Variants in DGKB observed in about 807,000 individuals in gnomAD.
The protein encoded by DGKB is 90 kDa diacylglycerol kinase.
Under a neutral mutation model 114.3 loss-of-function variants are expected in DGKB, and 67 were observed. That is an observed-to-expected ratio of 0.59 (90% CI 0.48 to 0.72). The LOEUF is 0.72. Among genes scored for constraint, DGKB ranks in the 30% least tolerant of loss-of-function variants. The pLI, the probability that DGKB is intolerant of heterozygous loss-of-function variation, is 0.00. For missense variants in DGKB, 907 were observed against 975.2 expected (o/e 0.93, Z 0.93); for synonymous variants, 398 against 323.1 (o/e 1.23, Z -2.49).
At chr7:14,831,897 G>C (rs1318595729) in intron 2 of DGKB, among the ~76,000 whole-genome samples, 2 of 151,784 alleles carry the variant, frequency 1.3e-5, no homozygotes, top group Non-Finnish European at 2.9e-5. Context: ...ACTATAAGCA[G>C]AAGGACATTT....
At chr7:14,661,076 T>C (rs985325647) in intron 13 of DGKB, among the ~76,000 whole-genome samples, 6 of 151,658 alleles carry the variant, frequency 4.0e-5, no homozygotes, top group South Asian at 2.1e-4. Context: ...AAGACTTAAA[T>C]GTTAGACCTA....
chr7:14,908,897 A>C (rs1783844547), intron 1 of DGKB, among the ~76,000 whole-genome samples: 1 of 152,070 alleles, frequency 6.6e-6, no homozygotes, highest in Non-Finnish European at 1.5e-5. Flanking sequence ...TAATAACAAA[A>C]CTCATTATCA....
In DGKB at chr7:14,959,765, TA is replaced by T. The variant is rs564208336; in HGVS notation, c.-188+14930del. Among the ~76,000 whole-genome samples the T allele has an allele frequency of 6.7e-3, 960 of 143,626 alleles. 1 individual carries two copies. Among genetic ancestry groups the T allele is most frequent in the Middle Eastern group, 0.011 (3 of 282 alleles). The allele number at this position is 143,626 out of a possible 152,430, so 94.2% of individuals were successfully genotyped here. On this transcript the variant is annotated intron_variant, in intron 1 of 4. Transcript: ENST00000437998. ...TAACATTAGATTTTACCACTGAGAT[TA>T]AAAAAAAAAAAGGCAGTTTTCTATA... is the stretch of plus-strand genomic sequence containing the variant.
chr7:14,688,552 AC>A (rs1200568051), intron 9 of DGKB, among the ~76,000 whole-genome samples: 1 of 152,216 alleles, frequency 6.6e-6, no homozygotes, highest in African/African-American at 2.4e-5. Context: ...TGAGAAAGAT[AC>A]CTAAAATTTC....
chr7:14,342,840 A>G (rs1466628040), intron 22 of DGKB, among the ~76,000 whole-genome samples: 1 of 151,864 alleles, frequency 6.6e-6, no homozygotes, highest in African/African-American at 2.4e-5. Context: ...GGTGCTCACT[A>G]TGTGAAAGAG....
At chr7:14,555,783 C>G (rs1584783470) in intron 20 of DGKB, among the ~76,000 whole-genome samples, 1 of 152,308 alleles carries the variant, frequency 6.6e-6, no homozygotes, top group African/African-American at 2.4e-5. Context: ...CAAGAGTGAT[C>G]TCTGGTCGTC....
Position 14,284,168 on chromosome 7 carries a change from G to GA in DGKB, c.2122+54346dup, listed in dbSNP as rs1024427191. On this transcript the variant is annotated intron_variant, in intron 23 of 25. Coordinates refer to ENST00000402815, the MANE Select transcript of DGKB (RefSeq NM_001350709.2). ...ACAATGAACTCAAACAAATTTACAA[G>GA]AAAAAAACAACCTCATCAAAAAGTG... Among the ~76,000 whole-genome samples the GA allele has an allele frequency of 6.3e-3, 962 of 151,538 alleles. 9 individuals carry two copies. Among genetic ancestry groups the GA allele is most frequent in the African/African-American group, 0.02 (813 of 41,058 alleles).
At chr7:14,188,533 G>A (rs1032444651) in intron 23 of DGKB, among the ~76,000 whole-genome samples, 4 of 144,494 alleles carry the variant, frequency 2.8e-5, no homozygotes, top group Non-Finnish European at 4.6e-5. Context: ...GGTGGCGGGC[G>A]CCTGTAGTCC....
intron 23 of DGKB, among the ~76,000 whole-genome samples, chr7:14,290,125 G>A (rs919853455): frequency 6.6e-6 from 1 of 152,144 alleles, no homozygotes; most frequent in African/African-American, 2.4e-5. Context: ...CAAACTGCAG[G>A]AACCTGACCT....
intron 17 of DGKB, among the ~76,000 whole-genome samples, chr7:14,602,274 T>C (rs1287403467): frequency 2.6e-5 from 4 of 152,216 alleles, no homozygotes; most frequent in Non-Finnish European, 5.9e-5. Flanking sequence ...GATATTTAGA[T>C]GAGACTCTGG....
chr7:14,415,005 T>G (rs1290132099), intron 21 of DGKB, among the ~76,000 whole-genome samples: 1 of 133,684 alleles, frequency 7.5e-6, no homozygotes, highest in African/African-American at 2.6e-5. Context: ...AAACAAAAAA[T>G]AAAAAAAAAC....
intron 2 of DGKB, among the ~76,000 whole-genome samples, chr7:14,800,820 T>A (rs1842055457): frequency 6.6e-6 from 1 of 151,946 alleles, no homozygotes; most frequent in Non-Finnish European, 1.5e-5. Context: ...GGCCCGTCAA[T>A]GGAAAACTAC....
chr7:14,720,813 C>A, intron 5 of DGKB, among the ~76,000 whole-genome samples: 1 of 145,322 alleles, frequency 6.9e-6, no homozygotes, highest in African/African-American at 2.6e-5. Flanking sequence ...ATTTATGAAC[C>A]AAAGAAGGCA....
intron 2 of DGKB, among the ~76,000 whole-genome samples, chr7:14,820,060 T>A (rs1459342316): frequency 6.6e-6 from 1 of 152,108 alleles, no homozygotes; most frequent in African/African-American, 2.4e-5. Flanking sequence ...AGGTAGAAAT[T>A]ACAATTTTTT....
chr7:14,382,400 C>T (rs1413466019), intron 21 of DGKB, among the ~76,000 whole-genome samples: 1 of 149,794 alleles, frequency 6.7e-6, no homozygotes, highest in Admixed American at 6.7e-5. Flanking sequence ...TTTGCATTTC[C>T]AATTATCTAT....
At chr7:14,952,376 G>T (rs533993765) in intron 1 of DGKB, among the ~76,000 whole-genome samples, 11 of 152,022 alleles carry the variant, frequency 7.2e-5, no homozygotes, top group Middle Eastern at 3.4e-3. Context: ...TACATGGATC[G>T]AATGACTTAA....
intron 17 of DGKB, among the ~76,000 whole-genome samples, chr7:14,606,026 C>T (rs1585072776): frequency 6.6e-6 from 1 of 152,142 alleles, no homozygotes; most frequent in South Asian, 2.1e-4. Flanking sequence ...ACAGGAAAAT[C>T]CTGGATTAAC....
chr7:14,919,899 T>C (rs969604581), intron 1 of DGKB, among the ~76,000 whole-genome samples: 2 of 152,174 alleles, frequency 1.3e-5, no homozygotes, highest in Non-Finnish European at 2.9e-5. Context: ...TGCACCATGA[T>C]TGTAAGTTTC....
At chr7:14,513,779 G>A (rs940420834) in intron 20 of DGKB, among the ~76,000 whole-genome samples, 10 of 151,918 alleles carry the variant, frequency 6.6e-5, no homozygotes, top group Non-Finnish European at 1.5e-4. Context: ...TTTAGTTAAA[G>A]CAGAAAGTTA....
Sources: gnomAD v4.1 joint callset for allele counts (sites outside exome capture counted in the v4.1 genomes callset) on GRCh38, gnomAD v4.1.1 for gene constraint, MANE v1.5 for transcripts, NCBI Gene and HGNC (gene_info 2026-07-23, HGNC 2026-07-21) for gene names.